ORC4: variants seen among roughly 807,000 people sequenced by gnomAD.
ORC4 encodes origin recognition complex, subunit 4 homolog.
Under a neutral mutation model 63.9 loss-of-function variants are expected in ORC4, and 55 were observed. That is an observed-to-expected ratio of 0.86 (90% CI 0.69 to 1.08). The LOEUF is 1.08. Ranked by LOEUF, ORC4 falls within the 50% of genes least tolerant of loss-of-function variation. ORC4 has a pLI of 0.00. For missense variants in ORC4, 511 were observed against 504.4 expected (o/e 1.01, Z -0.13); for synonymous variants, 150 against 168.5 (o/e 0.89, Z 0.85).
In ORC4 at chr2:147,990,558, T is replaced by C. The variant is rs183461345; in HGVS notation, c.-17-14583A>G. Reference sequence around the variant, plus strand: ...GAGATCAGCTCAAAAATGCTATCTATATCAAGTTGGGGCACAGCCTCTGGT... The same window carrying C: ...GAGATCAGCTCAAAAATGCTATCTACATCAAGTTGGGGCACAGCCTCTGGT... On this transcript the variant is annotated intron_variant, in intron 1 of 13. Transcript: ENST00000392857. Among the ~76,000 whole-genome samples, 7 of 152,360 alleles carry C rather than the reference T, an allele frequency of 4.6e-5. No individual in the cohort carries two copies. In the East Asian group the frequency reaches 1.3e-3, roughly 29 times the overall value.
At chr2:147,943,914 C>T (rs549790140) in intron 9 of ORC4, among the ~76,000 whole-genome samples, 1 of 152,024 alleles carries the variant, frequency 6.6e-6, no homozygotes, top group East Asian at 1.9e-4. Flanking sequence ...CTGGATGAGA[C>T]AAGAGATTTA....
intron 1 of ORC4, among the ~76,000 whole-genome samples, chr2:147,990,556 T>C (rs2105398652): frequency 6.6e-6 from 1 of 152,340 alleles, no homozygotes; most frequent in African/African-American, 2.4e-5. Flanking sequence ...AAATGCTATC[T>C]ATATCAAGTT....
intron 1 of ORC4, among the ~76,000 whole-genome samples, chr2:147,985,417 C>T (rs182920153): frequency 1.1e-4 from 16 of 152,220 alleles, no homozygotes; most frequent in Admixed American, 3.9e-4. Context: ...AGGATAGTCT[C>T]GATTTCCTGA....
chr2:147,960,819 G>A (rs979585575), intron 4 of ORC4, among the ~76,000 whole-genome samples: 1 of 152,214 alleles, frequency 6.6e-6, no homozygotes, highest in African/African-American at 2.4e-5. Context: ...AGCCCAGGAG[G>A]TTGAGGCTTT....
chr2:147,980,473 A>C (rs1690816930), intron 1 of ORC4, among the ~76,000 whole-genome samples: 1 of 152,088 alleles, frequency 6.6e-6, no homozygotes, highest in Non-Finnish European at 1.5e-5. Flanking sequence ...ATGACTGTAT[A>C]AGGAACTAAA....
intron 4 of ORC4, among the ~76,000 whole-genome samples, chr2:147,962,429 C>T (rs1037857186): frequency 1.3e-5 from 2 of 152,158 alleles, no homozygotes; most frequent in Non-Finnish European, 2.9e-5. Context: ...CTCTGTTGTG[C>T]GCCCCGCTCT....
intron 8 of ORC4, among the ~76,000 whole-genome samples, 192 bp from the exon 9 acceptor site, chr2:147,948,416 G>A (rs1688769699): frequency 6.6e-6 from 1 of 152,012 alleles, no homozygotes; most frequent in Admixed American, 6.6e-5. Context: ...CTGGCTTGGT[G>A]ATGTCATGCC....
At chr2:147,938,099 A>T (rs1688154260) in intron 13 of ORC4, 47 bp downstream of exon 13, 1 of 1,292,428 alleles carries the variant, frequency 7.7e-7, no homozygotes, top group African/African-American at 1.5e-5. Context: ...AATTGGATGT[A>T]AAAAATATAC....
At chr2:148,021,481 T>TTGC (rs773118482), upstream of ORC4, 38 of 573,532 alleles carry the variant, frequency 6.6e-5, no homozygotes, top group African/African-American at 1.5e-4. Flanking sequence ...GCTGCTGCTG[T>TTGC]TGCTGCTGCT....
rs528458941 is a variant in ORC4, at chr2:147,941,035, C to T, written c.850-1787G>A. Among the ~76,000 whole-genome samples, 109 of 152,204 alleles carry T rather than the reference C, an allele frequency of 7.2e-4. 1 individual carries two copies. Among genetic ancestry groups the T allele is most frequent in the Middle Eastern group, 3.4e-3 (1 of 294 alleles). The stretch of plus-strand genomic sequence containing the variant: ...TTTTGGGCACTGAAAGTAATGGTAA[C>T]TTTTGCACCAACCTAATACTTCTAC... On this transcript the variant is annotated intron_variant, in intron 10 of 13. Coordinates refer to ENST00000392857, the MANE Select transcript of ORC4 (RefSeq NM_181741.4).
At chr2:148,015,913 G>A (rs1449716880) in intron 1 of ORC4, among the ~76,000 whole-genome samples, 1 of 152,152 alleles carries the variant, frequency 6.6e-6, no homozygotes, top group African/African-American at 2.4e-5. Context: ...TTGAGGATGA[G>A]GAGTGTAGTG....
intron 4 of ORC4, among the ~76,000 whole-genome samples, chr2:147,965,744 T>C (rs749015916): frequency 6.6e-6 from 1 of 152,182 alleles, no homozygotes; most frequent in Non-Finnish European, 1.5e-5. Context: ...ATAGAACATT[T>C]CACCCAACAA....
At chr2:147,960,145 T>C (rs1039574293) in intron 4 of ORC4, 1 of 497,206 alleles carries the variant, frequency 2.0e-6, no homozygotes, top group Non-Finnish European at 2.6e-6. Flanking sequence ...TTCAAATCCT[T>C]TGCTAAAAGG....
In ORC4 at chr2:147,935,648, A is replaced by G. The variant is rs758048854; in HGVS notation, c.1173T>C (p.Thr391=). 3.7e-6 allele frequency: 6 copies of G among 1,613,570 alleles called. No homozygotes were observed. The Middle Eastern group carries it at 5.1e-4, about 138-fold the overall frequency. ...GGTACTCTCTCTGTGAATTTCCTGAAGTTCTTTCCATGGGCTTTATTAATT... is the reference window on the plus strand; with the variant it reads ...GGTACTCTCTCTGTGAATTTCCTGAGGTTCTTTCCATGGGCTTTATTAATT... The part of the protein sequence containing the change: ...QLELIKPMER[T]SGNSQREYQL... Residue 391 remains threonine (T), a synonymous_variant, in exon 14 of 14, where the codon ACT becomes ACC. Coordinates refer to ENST00000392857, the MANE Select transcript of ORC4 (RefSeq NM_181741.4).
At chr2:147,956,766 GATA>G (rs1689274610) in intron 6 of ORC4, among the ~76,000 whole-genome samples, 1 of 152,042 alleles carries the variant, frequency 6.6e-6, no homozygotes, top group Non-Finnish European at 1.5e-5. Flanking sequence ...CTCTATATAT[GATA>G]ATAATAGCGA....
chr2:147,981,625 T>A (rs1197832887), intron 1 of ORC4, among the ~76,000 whole-genome samples: 1 of 152,180 alleles, frequency 6.6e-6, no homozygotes, highest in Non-Finnish European at 1.5e-5. Context: ...AGGCTTAATT[T>A]TGTCATTCCA....
chr2:147,965,281 C>A (rs1200427818), intron 4 of ORC4, among the ~76,000 whole-genome samples: 2 of 151,818 alleles, frequency 1.3e-5, no homozygotes, highest in African/African-American at 2.4e-5. Flanking sequence ...AGGGTAAGTC[C>A]TCACTTATCA....
At chr2:147,971,499 A>G (rs1413599597) in intron 4 of ORC4, among the ~76,000 whole-genome samples, 2 of 152,008 alleles carry the variant, frequency 1.3e-5, no homozygotes, top group Non-Finnish European at 2.9e-5. Context: ...AAAGAAGTGT[A>G]TGAAAAGATG....
intron 1 of ORC4, among the ~76,000 whole-genome samples, chr2:147,988,260 G>A (rs1050788602): frequency 4.6e-5 from 7 of 151,888 alleles, no homozygotes; most frequent in Non-Finnish European, 7.4e-5. Context: ...AAGGGGTTCC[G>A]AGTGGCACCA....
Sources: allele counts gnomAD v4.1 joint callset (sites outside exome capture counted in the v4.1 genomes callset), GRCh38; gene constraint gnomAD v4.1.1; transcripts MANE v1.5; gene names NCBI Gene and HGNC (gene_info 2026-07-23, HGNC 2026-07-21).